Variants in LEFTY1 observed in about 807,000 individuals in gnomAD.
The protein encoded by LEFTY1 is left-right determination factor B.
Under a neutral mutation model 22.6 loss-of-function variants are expected in LEFTY1, and 18 were observed. The ratio of observed to expected loss-of-function variants is 0.80; its 90% CI spans 0.55 to 1.18. The LOEUF is 1.18. LEFTY1 is among the 50% of genes most tolerant of loss of function. The pLI is 0.00. For missense variants in LEFTY1, 414 were observed against 495.4 expected (o/e 0.84, Z 1.56); for synonymous variants, 201 against 231.5 (o/e 0.87, Z 1.20).
At chr1:225,887,287 G>A (rs1052390617) in intron 3 of LEFTY1, 112 bp downstream of exon 3, 2 of 1,554,258 alleles carry the variant, frequency 1.3e-6, no homozygotes, top group Non-Finnish European at 1.7e-6. Context: ...AGGAAGAATT[G>A]TATACATTGT....
Position 225,887,778 on chromosome 1 carries a change from A to T in LEFTY1, c.497+8T>A. 6.5e-7 allele frequency: 1 copy of T among 1,540,700 alleles called. No individual in the cohort carries two copies. Among genetic ancestry groups the T allele is most frequent in the African/African-American group, 1.4e-5 (1 of 72,876 alleles). On this transcript the variant is annotated splice_region_variant and intron_variant, in intron 2 of 3. Transcript: ENST00000272134. ...TCCCCCTACCCTGCGCGCCCCCGCG[A>T]CCCCCACCTGGAGTCGATGAGGGAG...
At chr1:225,888,174 T>C in intron 1 of LEFTY1, 142 bp from the exon 2 acceptor site, 4 of 1,293,454 alleles carry the variant, frequency 3.1e-6, no homozygotes, top group Non-Finnish European at 4.2e-6. Flanking sequence ...CAAATCTTCC[T>C]TGGATCTGGG....
At position 225,886,898 on chromosome 1, in the gene LEFTY1, A is replaced by T. The variant is rs1671290307; in HGVS notation, c.930T>A (p.Phe310Leu). The change falls in exon 4 of 4, where the codon TTT (phenylalanine) becomes TTA (leucine). Residue 310 changes from phenylalanine to leucine, a missense_variant. By Grantham distance (22) the Phe-to-Leu change is conservative (BLOSUM62 0). This residue lies in a region of LEFTY1 where 398 missense variants were observed against 454.7 expected (regional missense o/e 0.88). Coordinates refer to ENST00000272134, the MANE Select transcript of LEFTY1 (RefSeq NM_020997.4). ...PPEALAFKWP[F>L]LGPRQCIASE... ...AGGCGATGCACTGTCGAGGCCCCAG[A>T]AACGGCCACTTGAAGGCCAGGGCCT... 6.2e-7 allele frequency: 1 copy of T among 1,613,874 alleles called. No individual in the cohort carries two copies. Among genetic ancestry groups the T allele is most frequent in the South Asian group, 1.1e-5 (1 of 91,084 alleles).
chr1:225,886,673 C>G lies in LEFTY1; in HGVS notation c.*54G>C, dbSNP rs3766941. 1 of 1,609,684 alleles carries G rather than the reference C, an allele frequency of 6.2e-7. No individual in the cohort carries two copies. Among genetic ancestry groups the G allele is most frequent in the African/African-American group, 1.3e-5 (1 of 74,914 alleles). On this transcript the variant is annotated 3_prime_UTR_variant, in exon 4 of 4. Coordinates refer to ENST00000272134, the MANE Select transcript of LEFTY1 (RefSeq NM_020997.4). ...TCATCGCCAGCTCTCCTGGTACCCT[C>G]GAACACTTCAGAAACACACACAAGT...
chr1:225,888,507 G>GGT (rs1671333505), intron 1 of LEFTY1, among the ~76,000 whole-genome samples: 1 of 152,218 alleles, frequency 6.6e-6, no homozygotes, highest in African/African-American at 2.4e-5. Context: ...AGATGGGCAA[G>GGT]ACATAGTTAT....
At chr1:225,888,758 G>A (rs1671338068) in intron 1 of LEFTY1, 59 bp downstream of exon 1, 1 of 1,606,568 alleles carries the variant, frequency 6.2e-7, no homozygotes, top group Non-Finnish European at 8.5e-7. Flanking sequence ...GACACCACCG[G>A]AGTGGGCACA....
Position 225,888,000 on chromosome 1 carries a change from T to C in LEFTY1, c.283A>G (p.Ser95Gly), listed in dbSNP as rs1371344670. The C allele has an allele frequency of 4.4e-6, 7 of 1,590,936 alleles. No individual in the cohort carries two copies. Among genetic ancestry groups the C allele is most frequent in the South Asian group, 1.1e-5 (1 of 90,310 alleles). Residue 95 changes from serine (S) to glycine (G), a missense_variant, in exon 2 of 4, where the codon AGC becomes GGC. Ser to Gly is a moderately conservative substitution (Grantham distance 56). This residue lies in a region of LEFTY1 where 398 missense variants were observed against 454.7 expected (regional missense o/e 0.88). Coordinates refer to ENST00000272134, the MANE Select transcript of LEFTY1 (RefSeq NM_020997.4). ...ATGCCGAACACCAGCAGGTGTGTGC[T>C]GGCCTCCAACGCCAGGAACCTGCCG... Reference protein sequence around the residue: ...VAGRFLALEASTHLLVFGMEQ... With the variant: ...VAGRFLALEAGTHLLVFGMEQ...
chr1:225,887,333 A>T (rs1671300752), intron 3 of LEFTY1, 66 bp downstream of exon 3: 1 of 1,601,650 alleles, frequency 6.2e-7, no homozygotes, highest in Non-Finnish European at 8.5e-7. Context: ...AAAGTTGTCC[A>T]TTTCAAAATA....
Position 225,887,618 on chromosome 1 carries a change from C to G in LEFTY1, c.518G>C (p.Ser173Thr). The G allele has an allele frequency of 6.2e-7, 1 of 1,612,320 alleles. No individual in the cohort carries two copies. Among genetic ancestry groups the G allele is most frequent in the East Asian group, 2.2e-5 (1 of 44,874 alleles). ...GGTCACGTCGAAGGCCTTCCAGCCGCTCTCGTGGACGGACACCAGCCTGAG... is the reference window on the plus strand; with the variant it reads ...GGTCACGTCGAAGGCCTTCCAGCCGGTCTCGTGGACGGACACCAGCCTGAG... ...IDSRLVSVHE[S>T]GWKAFDVTEA... is the part of the protein sequence containing the mutation. The change falls in exon 3 of 4, where the codon AGC becomes ACC. Residue 173 changes from serine (S) to threonine (T), a missense_variant. Coordinates refer to ENST00000272134, the MANE Select transcript of LEFTY1 (RefSeq NM_020997.4).
intron 1 of LEFTY1, 64 bp from the exon 2 acceptor site, chr1:225,888,096 G>A (rs1422344767): frequency 6.3e-7 from 1 of 1,577,694 alleles, no homozygotes; most frequent in African/African-American, 1.4e-5. Flanking sequence ...AGGATGGCAG[G>A]GCCACTGAGC....
chr1:225,888,772 G>C, intron 1 of LEFTY1, 45 bp downstream of exon 1: 1 of 1,610,774 alleles, frequency 6.2e-7, no homozygotes, highest in Non-Finnish European at 8.5e-7. Context: ...GGGCACATCT[G>C]ACCTGCCCCA....
In LEFTY1 at chr1:225,886,866, G is replaced by C; in HGVS notation, c.962C>G (p.Thr321Ser). 1 of 1,613,950 alleles carries C rather than the reference G, an allele frequency of 6.2e-7. No individual in the cohort carries two copies. Among genetic ancestry groups the C allele is most frequent in the Non-Finnish European group, 8.5e-7 (1 of 1,180,048 alleles). Reference protein sequence around the residue: ...LGPRQCIASETDSLPMIVSIK... With the variant: ...LGPRQCIASESDSLPMIVSIK... ...GCTGACGATCATGGGCAGCGAGTCA[G>C]TCTCCGAGGCGATGCACTGTCGAGG... The change falls in exon 4 of 4, where the codon ACT becomes AGT. Residue 321 changes from threonine (T) to serine (S), a missense_variant. By Grantham distance (58) the Thr-to-Ser change is moderately conservative (BLOSUM62 1). Coordinates refer to ENST00000272134, the MANE Select transcript of LEFTY1 (RefSeq NM_020997.4).
rs770359521 is a variant in LEFTY1, at chr1:225,886,720, T to C, written c.*7A>G. The C allele has an allele frequency of 6.2e-7, 1 of 1,613,614 alleles. No homozygotes were observed. The highest frequency in any genetic ancestry group is 8.5e-7 in the Non-Finnish European group (1 of 1,180,042). ...AAGTCAAGTCCCTCGATGGCTACACTAGGCGCCTATGGCTGGAGCCTCCTT... is the reference window on the plus strand; with the variant it reads ...AAGTCAAGTCCCTCGATGGCTACACCAGGCGCCTATGGCTGGAGCCTCCTT... On this transcript the variant is annotated 3_prime_UTR_variant, in exon 4 of 4. Transcript: ENST00000272134.
chr1:225,888,788 C>A (rs1347028959), intron 1 of LEFTY1, 29 bp downstream of exon 1: 2 of 1,612,364 alleles, frequency 1.2e-6, no homozygotes, highest in Admixed American at 3.3e-5. Flanking sequence ...CCCCATGGGA[C>A]CAGGGGCAGC....
In LEFTY1 at chr1:225,887,035, G is replaced by T. The variant is rs764848795; in HGVS notation, c.793C>A (p.Arg265Ser). ...APMTEGTRCC[R>S]QEMYIDLQGM... is the part of the protein sequence containing the mutation. Reference sequence around the variant, plus strand: ...TGCAGGTCAATGTACATCTCCTGGCGGCAGCAGCGGGTGCCCTCGGTCATT... The same window carrying T: ...TGCAGGTCAATGTACATCTCCTGGCTGCAGCAGCGGGTGCCCTCGGTCATT... Residue 265 changes from arginine to serine, a missense_variant, in exon 4 of 4, where the codon CGC (arginine) becomes AGC (serine). Arg to Ser is a moderately radical substitution (Grantham distance 110). Transcript: ENST00000272134. The T allele has an allele frequency of 6.3e-7, 1 of 1,598,334 alleles. No individual in the cohort carries two copies. The highest frequency in any genetic ancestry group is 1.7e-5 in the Admixed American group (1 of 57,880).
intron 1 of LEFTY1, among the ~76,000 whole-genome samples, 190 bp from the exon 2 acceptor site, chr1:225,888,222 C>T (rs369374080): frequency 3.9e-5 from 6 of 152,102 alleles, no homozygotes; most frequent in Non-Finnish European, 8.8e-5. Flanking sequence ...CAGGCAGGGG[C>T]GCCTGTGGGA....
At position 225,887,884 on chromosome 1, in the gene LEFTY1, G is replaced by A; in HGVS notation, c.399C>T (p.His133=). The A allele has an allele frequency of 6.5e-7, 1 of 1,534,214 alleles. No homozygotes were observed. Among genetic ancestry groups the A allele is most frequent in the Non-Finnish European group, 8.7e-7 (1 of 1,147,080 alleles). Residue 133 remains histidine, a synonymous_variant, in exon 2 of 4, where the codon CAC becomes CAT. Transcript: ENST00000272134. The part of the protein sequence containing the change: ...EPVPKAALHR[H]GRLSPRSARA... ...GGGCGCTGCGCGGGGACAGCCGCCC[G>A]TGCCTGTGCAGCGCGGCCTTGGGGA...
Position 225,886,605 on chromosome 1 carries a change from G to A in LEFTY1, c.*122C>T. 6.6e-7 allele frequency: 1 copy of A among 1,507,970 alleles called. No individual in the cohort carries two copies. Among genetic ancestry groups the A allele is most frequent in the South Asian group, 1.3e-5 (1 of 76,782 alleles). The allele number at this position is 1,507,970 out of a possible 1,614,324, so 93.4% of individuals were successfully genotyped here. ...AACTTGTCAGAGGAAGCAAATTCAG[G>A]GCTCACTAGAGAGCACAGAGCATTT... On this transcript the variant is annotated 3_prime_UTR_variant, in exon 4 of 4. Coordinates refer to ENST00000272134, the MANE Select transcript of LEFTY1 (RefSeq NM_020997.4).
chr1:225,888,794 G>A (rs775256361), intron 1 of LEFTY1, 23 bp downstream of exon 1: 3 of 1,612,524 alleles, frequency 1.9e-6, no homozygotes, highest in Admixed American at 3.3e-5. Context: ...GGGACCAGGG[G>A]CAGCAGGGAG....
Sources: gnomAD v4.1 joint callset for allele counts (sites outside exome capture counted in the v4.1 genomes callset) on GRCh38, gnomAD v4.1.1 for gene constraint, gnomAD v4.1.1 regional missense constraint, MANE v1.5 for transcripts, NCBI Gene and HGNC (gene_info 2026-07-23, HGNC 2026-07-21) for gene names.